CLASP1: variants seen among roughly 807,000 people sequenced by gnomAD.
CLASP1 encodes the protein cytoplasmic linker associated protein 1.
In CLASP1, 38 loss-of-function variants were observed where a neutral mutation model predicts 192.3. The observed-to-expected ratio is 0.20, with a 90% CI of 0.15 to 0.26. The LOEUF is 0.26. Ranked by LOEUF, CLASP1 falls within the 10% of genes least tolerant of loss-of-function variation. The pLI, the probability that CLASP1 is intolerant of heterozygous loss-of-function variation, is 1.00. For synonymous variants in CLASP1, 691 were observed against 712.8 expected (o/e 0.97, Z 0.49); for missense variants, 1,433 against 1,932.5 (o/e 0.74, Z 4.85).
intron 16 of CLASP1, among the ~76,000 whole-genome samples, chr2:121,450,437 AAAC>A (rs983606361): frequency 6.6e-6 from 1 of 152,198 alleles, no homozygotes; most frequent in African/African-American, 2.4e-5. Flanking sequence ...GTTGAGACAG[AAAC>A]AACAAGTTAT....
chr2:121,636,372 A>AATG (rs2070874258), intron 1 of CLASP1, among the ~76,000 whole-genome samples: 1 of 145,410 alleles, frequency 6.9e-6, no homozygotes, highest in Non-Finnish European at 1.5e-5. Context: ...TAATAATAAT[A>AATG]ATAAATTTTA....
At chr2:121,498,744 T>G (rs1344494017) in intron 8 of CLASP1, among the ~76,000 whole-genome samples, 2 of 152,100 alleles carry the variant, frequency 1.3e-5, no homozygotes, top group Non-Finnish European at 2.9e-5. Flanking sequence ...CTTTAGAAAA[T>G]GGGCAAAAGA....
At chr2:121,615,287 C>T (rs1220041925) in intron 1 of CLASP1, among the ~76,000 whole-genome samples, 1 of 151,734 alleles carries the variant, frequency 6.6e-6, no homozygotes, top group Admixed American at 6.6e-5. Context: ...TGCAGCGAGC[C>T]AAGATCACGG....
At chr2:121,519,061 G>A (rs2094396758) in intron 6 of CLASP1, among the ~76,000 whole-genome samples, 1 of 152,082 alleles carries the variant, frequency 6.6e-6, no homozygotes, top group East Asian at 1.9e-4. Flanking sequence ...GAAAGTCTGG[G>A]CCATAAACGT....
intron 6 of CLASP1, among the ~76,000 whole-genome samples, chr2:121,522,005 G>A (rs934389011): frequency 2.6e-5 from 4 of 152,132 alleles, no homozygotes; most frequent in African/African-American, 9.7e-5. Context: ...AACAGCAAAA[G>A]CACATGCAAG....
At chr2:121,599,022 G>A (rs1041854621) in intron 2 of CLASP1, among the ~76,000 whole-genome samples, 2 of 151,870 alleles carry the variant, frequency 1.3e-5, no homozygotes, top group Non-Finnish European at 2.9e-5. Flanking sequence ...GTGCCACCAC[G>A]CCCGGCTGAC....
chr2:121,407,225 AAAAAGT>A (rs2077052927), intron 25 of CLASP1, among the ~76,000 whole-genome samples: 1 of 152,094 alleles, frequency 6.6e-6, no homozygotes, highest in African/African-American at 2.4e-5. Flanking sequence ...AAAAAAAAAA[AAAAAGT>A]AAAGAAAAAA....
intron 6 of CLASP1, among the ~76,000 whole-genome samples, chr2:121,517,351 C>T (rs1355995826): frequency 1.3e-5 from 2 of 152,116 alleles, no homozygotes; most frequent in African/African-American, 4.8e-5. Context: ...CAAAAATTTA[C>T]AATTTGAAAT....
rs567644987 is a variant in CLASP1 at position 121,524,958 on chromosome 2, G to A, written c.546+887C>T. Among the ~76,000 whole-genome samples, 3 of 152,208 alleles carry A rather than the reference G, an allele frequency of 2.0e-5. No homozygotes were observed. In the South Asian group the frequency reaches 6.2e-4, roughly 32 times the overall value. The stretch of plus-strand genomic sequence containing the variant: ...GGGCCTGGAGAGCAAGAGGGGAGGG[G>A]TGCCGACTCAGGGGAGCTAGAGGCC... On this transcript the variant is annotated intron_variant, in intron 6 of 39. Transcript: ENST00000263710.
At chr2:121,527,541 G>GT (rs2094604164) in intron 5 of CLASP1, among the ~76,000 whole-genome samples, 1 of 152,130 alleles carries the variant, frequency 6.6e-6, no homozygotes. Context: ...CTGTGCAGTT[G>GT]TATATACACA....
chr2:121,448,126 G>C, intron 18 of CLASP1, 150 bp downstream of exon 18: 3 of 661,022 alleles, frequency 4.5e-6, no homozygotes, highest in Non-Finnish European at 8.0e-6. Context: ...CTCTGCTGGA[G>C]AGTCAGGGCA....
chr2:121,491,165 T>C (rs916736457), intron 8 of CLASP1, among the ~76,000 whole-genome samples: 2 of 152,232 alleles, frequency 1.3e-5, no homozygotes, highest in African/African-American at 2.4e-5. Context: ...TGTAAAACCA[T>C]AAAGCAAAAT....
chr2:121,631,145 C>T (rs1447927431), intron 1 of CLASP1, among the ~76,000 whole-genome samples: 30 of 89,568 alleles, frequency 3.3e-4, no homozygotes, highest in African/African-American at 1.2e-3. Flanking sequence ...GGTGACAAAG[C>T]GAGACTCCAG....
chr2:121,344,406 A>G (rs1243774132), intron 39 of CLASP1, among the ~76,000 whole-genome samples: 1 of 151,548 alleles, frequency 6.6e-6, no homozygotes, highest in Non-Finnish European at 1.5e-5. Flanking sequence ...TTCTTGGCTC[A>G]CTGCAACCTC....
intron 7 of CLASP1, among the ~76,000 whole-genome samples, chr2:121,515,131 G>A (rs1449998127): frequency 6.6e-6 from 1 of 152,176 alleles, no homozygotes; most frequent in African/African-American, 2.4e-5. Flanking sequence ...TAACAAAGTC[G>A]CATTTGTGGA....
intron 25 of CLASP1, among the ~76,000 whole-genome samples, chr2:121,405,770 A>G (rs1013529264): frequency 6.6e-6 from 1 of 152,214 alleles, no homozygotes; most frequent in Non-Finnish European, 1.5e-5. Context: ...ATCATCTTCT[A>G]TTTTTGACAG....
intron 1 of CLASP1, among the ~76,000 whole-genome samples, chr2:121,631,876 G>A (rs1297076777): frequency 1.1e-4 from 17 of 151,800 alleles, no homozygotes; most frequent in African/African-American, 3.4e-4. Context: ...GTGAAACCCC[G>A]TCTCTAGTAA....
chr2:121,521,889 A>G (rs2094465230), intron 6 of CLASP1, among the ~76,000 whole-genome samples: 1 of 152,214 alleles, frequency 6.6e-6, no homozygotes, highest in African/African-American at 2.4e-5. Flanking sequence ...AAGTCATTCA[A>G]ATAGTTATGG....
At position 121,584,882 on chromosome 2, in the gene CLASP1, G is replaced by T. The variant is rs1212881225; in HGVS notation, c.195+20819C>A. On this transcript the variant is annotated intron_variant, in intron 2 of 39. Coordinates refer to ENST00000263710, the Ensembl canonical transcript of CLASP1. Reference sequence around the variant, plus strand: ...TTAAATCCATAACAGGTCATCAAAGGCAAGTAGTGATAGTGCTGTAATGCT... The same window carrying T: ...TTAAATCCATAACAGGTCATCAAAGTCAAGTAGTGATAGTGCTGTAATGCT... 2.0e-5 allele frequency among the ~76,000 whole-genome samples: 3 copies of T among 152,286 alleles called. 1 individual carries two copies. Among genetic ancestry groups the T allele is most frequent in the Admixed American group, 6.5e-5 (1 of 15,302 alleles).
Sources: allele counts gnomAD v4.1 joint callset (sites outside exome capture counted in the v4.1 genomes callset), GRCh38; gene constraint gnomAD v4.1.1; transcripts MANE v1.5; gene names NCBI Gene and HGNC (gene_info 2026-07-23, HGNC 2026-07-21).